The following ADTRP variants were observed in gnomAD, a reference collection of about 807,000 sequenced individuals.
ADTRP encodes the protein androgen dependent TFPI regulating protein, also known as androgen-dependent TFPI-regulating protein.
A neutral mutation model predicts 27.0 loss-of-function variants in ADTRP; 20 were observed. The ratio of observed to expected loss-of-function variants is 0.74; its 90% CI spans 0.52 to 1.08. The LOEUF (loss-of-function observed/expected upper bound fraction) is 1.08, where lower values mean the gene tolerates loss of function less well. ADTRP is among the 50% of genes least tolerant of loss of function. The pLI, the probability that ADTRP is intolerant of heterozygous loss-of-function variation, is 0.00. For synonymous variants in ADTRP, 101 were observed against 105.2 expected (o/e 0.96, Z 0.25); for missense variants, 251 against 275.0 (o/e 0.91, Z 0.62).
chr6:11,751,365 A>G (rs1397646127), intron 3 of ADTRP, among the ~76,000 whole-genome samples: 2 of 152,170 alleles, frequency 1.3e-5, no homozygotes, highest in Non-Finnish European at 2.9e-5. Flanking sequence ...TCAAATTCCC[A>G]TTAATATTTT....
At chr6:11,738,490 A>G (rs1230511760) in intron 3 of ADTRP, 16 of 152,266 alleles carry the variant, frequency 1.1e-4, no homozygotes, top group Admixed American at 1.0e-3. Flanking sequence ...TGCTGAAGCC[A>G]GGAAGATCCA....
intron 4 of ADTRP, among the ~76,000 whole-genome samples, chr6:11,732,178 A>G (rs1438953873): frequency 6.6e-6 from 1 of 152,168 alleles, no homozygotes; most frequent in Non-Finnish European, 1.5e-5. Context: ...ACTAAAAGCA[A>G]CCACCACATG....
intron 5 of ADTRP, among the ~76,000 whole-genome samples, chr6:11,721,683 A>G (rs1156871773): frequency 6.6e-6 from 1 of 152,206 alleles, no homozygotes; most frequent in African/African-American, 2.4e-5. Flanking sequence ...GTCTCTTTCT[A>G]CTTGAAAACT....
chr6:11,719,445 G>A (rs1321682871), intron 5 of ADTRP, among the ~76,000 whole-genome samples: 1 of 152,186 alleles, frequency 6.6e-6, no homozygotes, highest in Non-Finnish European at 1.5e-5. Flanking sequence ...TACCCATGTC[G>A]AGTCACCATC....
chr6:11,768,330 T>A lies in ADTRP; in HGVS notation c.207A>T (p.Arg69Ser). The A allele has an allele frequency of 3.7e-6, 6 of 1,614,266 alleles. No homozygotes were observed. Among genetic ancestry groups the A allele is most frequent in the Non-Finnish European group, 5.1e-6 (6 of 1,180,044 alleles). ...GVTCLDDVLK[R>S]TKGGKDIKFL... ...ACTTAATGTCTTTTCCCCCTTTGGT[T>A]CTTTTCAGCACATCATCCAGGCAGG... Residue 69 changes from arginine (R) to serine (S), a missense_variant, in exon 2 of 6, where the codon AGA becomes AGT. Transcript: ENST00000414691.
intron 4 of ADTRP, among the ~76,000 whole-genome samples, chr6:11,724,451 G>C (rs1762124442): frequency 6.6e-6 from 1 of 152,194 alleles, no homozygotes; most frequent in Non-Finnish European, 1.5e-5. Context: ...GTGAGGATAG[G>C]CTGTAAGTCA....
At chr6:11,727,493 C>T (rs1762248098) in intron 4 of ADTRP, among the ~76,000 whole-genome samples, 1 of 152,086 alleles carries the variant, frequency 6.6e-6, no homozygotes, top group Non-Finnish European at 1.5e-5. Flanking sequence ...TGAATGTACT[C>T]CAAAAAGTTG....
rs541687613 is a variant in ADTRP, at chr6:11,739,594, T to C, written c.391-3911A>G. 2.0e-5 allele frequency among the ~76,000 whole-genome samples: 3 copies of C among 152,310 alleles called. No individual in the cohort carries two copies. In the East Asian group the frequency reaches 5.8e-4, roughly 29 times the overall value. ...AAATAGCCTTGCAGATGATAAGTAC[T>C]AAGATTTACCAGCCCATGGAAAATT... On this transcript the variant is annotated intron_variant, in intron 3 of 5. Transcript: ENST00000414691.
chr6:11,768,443 T>C, intron 1 of ADTRP, 60 bp from the exon 2 acceptor site: 3 of 1,593,994 alleles, frequency 1.9e-6, no homozygotes, highest in Non-Finnish European at 2.6e-6. Flanking sequence ...CCTTCTTCAC[T>C]GATGGAAAAC....
intron 2 of ADTRP, among the ~76,000 whole-genome samples, chr6:11,766,881 G>T (rs906706745): frequency 2.6e-5 from 4 of 152,110 alleles, no homozygotes; most frequent in Admixed American, 1.3e-4. Context: ...GGATCTCCCT[G>T]GTGCTCAGAA....
At chr6:11,762,644 G>A (rs1763429872) in intron 3 of ADTRP, among the ~76,000 whole-genome samples, 1 of 152,198 alleles carries the variant, frequency 6.6e-6, no homozygotes, top group Non-Finnish European at 1.5e-5. Context: ...TAAGCTAGTG[G>A]ATCTTGGCTG....
chr6:11,770,255 G>A (rs542524126), intron 1 of ADTRP, among the ~76,000 whole-genome samples: 1 of 152,336 alleles, frequency 6.6e-6, no homozygotes, highest in African/African-American at 2.4e-5. Context: ...TAATCAGTCT[G>A]GGGCTAGGGC....
At position 11,735,680 on chromosome 6, in the gene ADTRP, T is replaced by G. The variant is rs143155143; in HGVS notation, c.394A>C (p.Thr132Pro). The change falls in exon 4 of 6, where the codon ACT becomes CCT. Residue 132 changes from threonine to proline, a missense_variant. Coordinates refer to ENST00000414691, the MANE Select transcript of ADTRP (RefSeq NM_032744.4). ...IPVWLNHAMH[T>P]FIFPITLAEV... ...GCCAATGTGATGGGGAATATGAAAG[T>G]GTGCTGCAGGAGAGAAAATGGCAAA... 6.2e-7 allele frequency: 1 copy of G among 1,610,482 alleles called. No homozygotes were observed. The highest frequency in any genetic ancestry group is 8.5e-7 in the Non-Finnish European group (1 of 1,176,934).
intron 4 of ADTRP, 25 bp from the exon 5 acceptor site, chr6:11,723,525 G>T: frequency 6.2e-7 from 1 of 1,610,990 alleles, no homozygotes. Context: ...AAGTCGTGGT[G>T]GTTATAGCAG....
intron 4 of ADTRP, among the ~76,000 whole-genome samples, chr6:11,730,268 T>G (rs2113889756): frequency 6.6e-6 from 1 of 152,292 alleles, no homozygotes; most frequent in African/African-American, 2.4e-5. Flanking sequence ...GGTAAGGATT[T>G]CTTCTGTGGA....
In ADTRP at chr6:11,717,799, C is replaced by A. The variant is rs369401242; in HGVS notation, c.659-3287G>T. On this transcript the variant is annotated intron_variant, in intron 5 of 5. Coordinates refer to ENST00000414691, the MANE Select transcript of ADTRP (RefSeq NM_032744.4). ...CTGAGGAAGAGGCAGGGAGGGTAAT[C>A]CACAGCGGGCTCTTTTTGAGTTTAG... Among the ~76,000 whole-genome samples the A allele has an allele frequency of 7.2e-5, 11 of 152,314 alleles. No individual in the cohort carries two copies. In the South Asian group the frequency reaches 1.5e-3, roughly 20 times the overall value.
intron 3 of ADTRP, among the ~76,000 whole-genome samples, chr6:11,747,036 C>T (rs191885101): frequency 5.9e-4 from 90 of 152,322 alleles, no homozygotes; most frequent in East Asian, 3.9e-3. Flanking sequence ...GCACCTGCAA[C>T]GCAGGACCAG....
intron 3 of ADTRP, among the ~76,000 whole-genome samples, chr6:11,750,873 T>C (rs1191555051): frequency 6.6e-6 from 1 of 152,198 alleles, no homozygotes; most frequent in Non-Finnish European, 1.5e-5. Context: ...TACTTTGAGA[T>C]AAGAACCTTG....
At chr6:11,730,783 A>G (rs919518097) in intron 4 of ADTRP, among the ~76,000 whole-genome samples, 1 of 152,236 alleles carries the variant, frequency 6.6e-6, no homozygotes, top group African/African-American at 2.4e-5. Context: ...ATATCTGTGC[A>G]GTGTTTGTAC....
Sources: gnomAD v4.1 joint callset for allele counts (sites outside exome capture counted in the v4.1 genomes callset) on GRCh38, gnomAD v4.1.1 for gene constraint, MANE v1.5 for transcripts, NCBI Gene and HGNC (gene_info 2026-07-23, HGNC 2026-07-21) for gene names.